The following TENM2 variants were observed in gnomAD, a reference collection of about 807,000 sequenced individuals.
The protein encoded by TENM2 is teneurin transmembrane protein 2, also known as teneurin-2.
A neutral mutation model predicts 245.2 loss-of-function variants in TENM2; 52 were observed. The ratio of observed to expected loss-of-function variants is 0.21; its 90% CI spans 0.17 to 0.27. The LOEUF (loss-of-function observed/expected upper bound fraction) is 0.27, where lower values mean the gene tolerates loss of function less well. Among genes scored for constraint, TENM2 ranks in the 10% least tolerant of loss-of-function variants. The pLI is 1.00. For synonymous variants in TENM2, 1,363 were observed against 1,438.9 expected (o/e 0.95, Z 1.19); for missense variants, 3,046 against 3,666.8 (o/e 0.83, Z 4.37).
intron 1 of TENM2, among the ~76,000 whole-genome samples, chr5:167,358,468 T>G (rs1213409272): frequency 5.6e-5 from 1 of 17,886 alleles, no homozygotes; most frequent in Non-Finnish European, 1.2e-4. Context: ...ACTCCTTTCT[T>G]CTTTTTTTTT....
chr5:167,749,799 C>A (rs1328891078), intron 2 of TENM2, among the ~76,000 whole-genome samples: 1 of 152,012 alleles, frequency 6.6e-6, no homozygotes, highest in African/African-American at 2.4e-5. Context: ...CATTTGAAAC[C>A]TATATTTTTA....
chr5:167,599,136 T>A (rs1397653129), intron 2 of TENM2, among the ~76,000 whole-genome samples: 3 of 152,220 alleles, frequency 2.0e-5, no homozygotes, highest in African/African-American at 7.2e-5. Context: ...TTCTTGTATC[T>A]TTGTGCATAG....
chr5:167,890,187 A>G (rs577530192), intron 3 of TENM2, among the ~76,000 whole-genome samples: 2 of 152,148 alleles, frequency 1.3e-5, no homozygotes, highest in South Asian at 4.2e-4. Context: ...TTCTTTTCCA[A>G]CTTTCAAATA....
the TENM2 span, among the ~76,000 whole-genome samples, chr5:167,022,946 G>C: frequency 6.6e-6 from 1 of 152,190 alleles, no homozygotes; most frequent in Non-Finnish European, 1.5e-5. Flanking sequence ...AGTTAGTAAA[G>C]ACTAAAGCAC....
At chr5:167,390,899 A>G (rs1473270236) in intron 2 of TENM2, among the ~76,000 whole-genome samples, 1 of 152,178 alleles carries the variant, frequency 6.6e-6, no homozygotes, top group African/African-American at 2.4e-5. Flanking sequence ...CAGGCCCTCC[A>G]CAATATAGTC....
the TENM2 span, among the ~76,000 whole-genome samples, chr5:167,108,260 G>A: frequency 6.6e-6 from 1 of 152,062 alleles, no homozygotes; most frequent in South Asian, 2.1e-4. Context: ...TGAGTAGCTG[G>A]GATTACAGGA....
chr5:167,713,445 A>C (rs1227002237), intron 2 of TENM2, among the ~76,000 whole-genome samples: 1 of 151,792 alleles, frequency 6.6e-6, no homozygotes, highest in Non-Finnish European at 1.5e-5. Context: ...GGGCATGGGT[A>C]CTGATCTCAT....
intron 5 of TENM2, 93 bp downstream of exon 7, chr5:167,993,275 G>C (rs1783806963): frequency 9.8e-7 from 1 of 1,022,134 alleles, no homozygotes; most frequent in African/African-American, 1.6e-5. Context: ...TCTGATGTCT[G>C]TACAGTTTGC....
the TENM2 span, among the ~76,000 whole-genome samples, chr5:167,158,693 T>C: frequency 3.9e-5 from 6 of 152,074 alleles, no homozygotes; most frequent in African/African-American, 1.2e-4. Flanking sequence ...CCTGTCTCCT[T>C]ACAAGGATAC....
intron 7 of TENM2, among the ~76,000 whole-genome samples, chr5:168,079,216 ATTTGGCTCTCTG>A (rs1055619602): frequency 6.6e-6 from 1 of 152,144 alleles, no homozygotes; most frequent in Non-Finnish European, 1.5e-5. Context: ...TTCACTCATG[ATTTGGCTCTCTG>A]TTTGTCTGTT....
At chr5:167,453,604 A>G (rs1008588404) in intron 2 of TENM2, among the ~76,000 whole-genome samples, 3 of 152,176 alleles carry the variant, frequency 2.0e-5, no homozygotes, top group African/African-American at 4.8e-5. Context: ...TAAATTAGAG[A>G]CTTTCCAAGG....
At chr5:167,616,951 A>G (rs752337196) in intron 2 of TENM2, among the ~76,000 whole-genome samples, 3 of 152,032 alleles carry the variant, frequency 2.0e-5, no homozygotes, top group Non-Finnish European at 4.4e-5. Flanking sequence ...CTGGTTTTGC[A>G]TTTTGCATGT....
intron 2 of TENM2, among the ~76,000 whole-genome samples, chr5:167,741,714 A>G (rs1761187250): frequency 6.6e-6 from 1 of 152,304 alleles, no homozygotes; most frequent in South Asian, 2.1e-4. Flanking sequence ...CCTTGTTAAC[A>G]TACCACCATC....
At chr5:167,439,162 C>G (rs575011302) in intron 2 of TENM2, among the ~76,000 whole-genome samples, 1 of 152,216 alleles carries the variant, frequency 6.6e-6, no homozygotes, top group African/African-American at 2.4e-5. Context: ...CAGAGGTGAT[C>G]AGGTTAGTTT....
chr5:167,569,754 T>C (rs901121654), intron 2 of TENM2, among the ~76,000 whole-genome samples: 5 of 152,226 alleles, frequency 3.3e-5, no homozygotes, highest in African/African-American at 1.2e-4. Flanking sequence ...CTAGCTATTA[T>C]ATAATAGCTT....
At chr5:167,456,668 G>T (rs1325797575) in intron 2 of TENM2, among the ~76,000 whole-genome samples, 1 of 152,122 alleles carries the variant, frequency 6.6e-6, no homozygotes, top group Non-Finnish European at 1.5e-5. Context: ...TGGATGTTCT[G>T]CTTTCAATTT....
intron 19 of TENM2, 52 bp from the exon 22 acceptor site, chr5:168,211,682 T>G (rs1762813035): frequency 2.6e-6 from 3 of 1,150,146 alleles, no homozygotes; most frequent in Non-Finnish European, 3.7e-6. Context: ...TTATCATCAA[T>G]TCTTCTGCTA....
intron 12 of TENM2, among the ~76,000 whole-genome samples, chr5:168,156,128 C>G (rs1443469862): frequency 6.7e-6 from 1 of 150,150 alleles, no homozygotes; most frequent in Non-Finnish European, 1.5e-5. Context: ...ATTTTACAAA[C>G]AGGCTGAGGC....
the TENM2 span, among the ~76,000 whole-genome samples, chr5:167,213,763 A>AGTGT: frequency 6.6e-6 from 1 of 152,210 alleles, no homozygotes; most frequent in African/African-American, 2.4e-5. Context: ...ATATAAAACA[A>AGTGT]ATATGTGCTA....
Sources: allele counts gnomAD v4.1 joint callset (sites outside exome capture counted in the v4.1 genomes callset), GRCh38; gene constraint gnomAD v4.1.1; transcripts MANE v1.5; gene names NCBI Gene and HGNC (gene_info 2026-07-23, HGNC 2026-07-21).